ATP7B: variants seen among roughly 807,000 people sequenced by gnomAD.
The protein encoded by ATP7B is ATPase copper transporting beta.
In ATP7B, 113 loss-of-function variants were observed where a neutral mutation model predicts 118.9. That is an observed-to-expected ratio of 0.95 (90% confidence interval 0.82 to 1.11). The LOEUF is 1.11. Among genes scored for constraint, ATP7B ranks in the 50% most tolerant of loss-of-function variants. ATP7B has a pLI of 0.00. For synonymous variants in ATP7B, 777 were observed against 727.4 expected (o/e 1.07, Z -1.10); for missense variants, 1,867 against 1,871.4 (o/e 1.00, Z 0.04).
Position 51,934,868 on chromosome 13 carries a change from G to A in ATP7B, c.4286C>T (p.Ser1429Leu), listed in dbSNP as rs1956864058. 2.5e-6 allele frequency: 4 copies of A among 1,614,206 alleles called. No individual in the cohort carries two copies. The highest frequency in any genetic ancestry group is 4.5e-5 in the East Asian group (2 of 44,886). ...WDQVSYVSQVSLSSLTSDKPS... is the reference protein window; with the variant it reads ...WDQVSYVSQVLLSSLTSDKPS... ...CTTGTCGGACGTCAGGGAGGACAGC[G>A]ACACCTGGCTGACATAGCTGACCTG... Residue 1429 changes from serine (S) to leucine (L), a missense_variant, in exon 21 of 21, where the codon TCG becomes TTG. Physicochemically the swap from Ser to Leu is moderately radical, Grantham distance 145. Coordinates refer to ENST00000242839, the MANE Select transcript of ATP7B (RefSeq NM_000053.4).
intron 1 of ATP7B, among the ~76,000 whole-genome samples, chr13:51,999,742 GC>G (rs1200598135): frequency 6.6e-6 from 1 of 152,094 alleles, no homozygotes; most frequent in Non-Finnish European, 1.5e-5. Flanking sequence ...GCACATCCAG[GC>G]TGGCTGCCCA....
chr13:51,950,845 C>A (rs980841962), intron 9 of ATP7B, among the ~76,000 whole-genome samples: 1 of 151,864 alleles, frequency 6.6e-6, no homozygotes, highest in Non-Finnish European at 1.5e-5. Flanking sequence ...AGGAAGTTCA[C>A]GGAGAGAAAA....
intron 1 of ATP7B, among the ~76,000 whole-genome samples, chr13:51,980,137 A>T (rs1386284856): frequency 6.6e-6 from 1 of 152,208 alleles, no homozygotes; most frequent in Non-Finnish European, 1.5e-5. Context: ...ACAGGTTTAG[A>T]TTTAAGGGCC....
At chr13:51,961,763 G>T in intron 6 of ATP7B, 74 bp downstream of exon 6, 1 of 1,425,776 alleles carries the variant, frequency 7.0e-7, no homozygotes, top group Non-Finnish European at 9.9e-7. Flanking sequence ...GACAAGACCA[G>T]CTGGCAGAGT....
intron 16 of ATP7B, 103 bp downstream of exon 16, chr13:51,940,978 T>G: frequency 6.5e-7 from 1 of 1,533,480 alleles, no homozygotes; most frequent in South Asian, 1.1e-5. Context: ...GAGGAAGGCT[T>G]TTGTTTGTCT....
chr13:51,945,240 CA>C (rs1334320440), intron 13 of ATP7B, among the ~76,000 whole-genome samples: 2 of 152,162 alleles, frequency 1.3e-5, no homozygotes, highest in African/African-American at 4.8e-5. Context: ...ACGTTCAGAA[CA>C]CTTTACTAAA....
chr13:51,938,581 G>A lies in ATP7B; in HGVS notation c.3699+470C>T, dbSNP rs141364257. The stretch of plus-strand genomic sequence containing the variant: ...ATTTCTAGGAATCCAAACTGGAGCC[G>A]CTGCTGTGTGAGAAGTCAGGCAGCC... On this transcript the variant is annotated intron_variant, in intron 17 of 20. Transcript: ENST00000242839. Among the ~76,000 whole-genome samples the A allele has an allele frequency of 3.2e-4, 48 of 152,300 alleles. No homozygotes were observed. The East Asian group carries it at 8.3e-3, about 26-fold the overall frequency.
intron 15 of ATP7B, 145 bp from the exon 16 acceptor site, chr13:51,941,369 T>C (rs1380984987): frequency 4.2e-6 from 4 of 950,186 alleles, no homozygotes; most frequent in Non-Finnish European, 6.2e-6. Context: ...CAGCATCCTT[T>C]AGGACAAAAA....
intron 17 of ATP7B, among the ~76,000 whole-genome samples, chr13:51,938,717 C>G (rs1330745138): frequency 6.6e-6 from 1 of 152,218 alleles, no homozygotes; most frequent in Non-Finnish European, 1.5e-5. Context: ...CTGGCAAAAT[C>G]TTCCCTTAAC....
intron 1 of ATP7B, among the ~76,000 whole-genome samples, chr13:51,981,129 A>G (rs573878297): frequency 6.6e-6 from 1 of 152,236 alleles, no homozygotes; most frequent in Non-Finnish European, 1.5e-5. Flanking sequence ...AATCAACATT[A>G]AGTAACAGAG....
At position 51,946,369 on chromosome 13, in the gene ATP7B, G is replaced by T. The variant is rs201038679; in HGVS notation, c.2975C>A (p.Pro992His). ...CCCGGTGCCCACCATGACAGCCGTG[G>T]GCGTGGCCAGCCCCAGGGAGCAGGG... is the stretch of plus-strand genomic sequence containing the variant. ...ACPCSLGLAT[P>H]TAVMVGTGVA... Residue 992 changes from proline to histidine, a missense_variant, in exon 13 of 21, where the codon CCC (proline) becomes CAC (histidine). Transcript: ENST00000242839. 1 of 1,613,510 alleles carries T rather than the reference G, an allele frequency of 6.2e-7. No individual in the cohort carries two copies. The highest frequency in any genetic ancestry group is 8.5e-7 in the Non-Finnish European group (1 of 1,179,934).
chr13:51,941,339 C>G, intron 15 of ATP7B, 115 bp from the exon 16 acceptor site: 1 of 1,299,814 alleles, frequency 7.7e-7, no homozygotes, highest in Non-Finnish European at 1.1e-6. Context: ...AAACTGTAAC[C>G]TTGTAAGCAC....
chr13:51,944,915 C>T (rs990864660), intron 13 of ATP7B, among the ~76,000 whole-genome samples: 2 of 152,184 alleles, frequency 1.3e-5, no homozygotes, highest in African/African-American at 4.8e-5. Flanking sequence ...CAGGGCCAGT[C>T]GAGCCCTGAG....
At chr13:51,948,656 CA>C in intron 12 of ATP7B, among the ~76,000 whole-genome samples, 1 of 152,244 alleles carries the variant, frequency 6.6e-6, no homozygotes, top group African/African-American at 2.4e-5. Flanking sequence ...CCCCCAGTCA[CA>C]AACACCGAAA....
chr13:51,999,686 G>A (rs1350892651), intron 1 of ATP7B, among the ~76,000 whole-genome samples: 1 of 152,082 alleles, frequency 6.6e-6, no homozygotes, highest in Non-Finnish European at 1.5e-5. Flanking sequence ...AGTTCCACTT[G>A]GCTTCACGCC....
In ATP7B at chr13:51,944,273, C is replaced by G. The variant is rs1593672840; in HGVS notation, c.3079G>C (p.Asp1027His). 6.2e-7 allele frequency: 1 copy of G among 1,613,972 alleles called. No homozygotes were observed. Among genetic ancestry groups the G allele is most frequent in the East Asian group, 2.2e-5 (1 of 44,866 alleles). The change falls in exon 14 of 21, where the codon GAC becomes CAC. Residue 1027 changes from aspartate to histidine, a missense_variant. By Grantham distance (81) the Asp-to-His change is moderately conservative. Transcript: ENST00000242839. ...MAHKIKTVMFDKTGTITHGVP... is the reference protein window; with the variant it reads ...MAHKIKTVMFHKTGTITHGVP... ...CCATGGGTAATGGTGCCAGTCTTGT[C>G]AAACATCACAGTCTTTATCTGCCAA...
chr13:52,011,135 C>T, intron 1 of ATP7B, 152 bp downstream of exon 1: 2 of 1,140,272 alleles, frequency 1.8e-6, no homozygotes, highest in Non-Finnish European at 2.6e-6. Flanking sequence ...TCTAAAGGGT[C>T]CTTTTCTCCC....
At chr13:51,949,594 A>G in intron 12 of ATP7B, 68 bp downstream of exon 12, 3 of 1,586,070 alleles carry the variant, frequency 1.9e-6, no homozygotes, top group Non-Finnish European at 2.6e-6. Context: ...AAGATATGAA[A>G]GAACAGGATC....
chr13:51,951,411 C>T (rs1354309575), intron 9 of ATP7B, among the ~76,000 whole-genome samples: 3 of 152,062 alleles, frequency 2.0e-5, no homozygotes, highest in Non-Finnish European at 2.9e-5. Context: ...TTCATTTTGA[C>T]ATGTCGGGTT....
Sources: allele counts gnomAD v4.1 joint callset (sites outside exome capture counted in the v4.1 genomes callset), GRCh38; gene constraint gnomAD v4.1.1; transcripts MANE v1.5; gene names NCBI Gene and HGNC (gene_info 2026-07-23, HGNC 2026-07-21).